Variants in VPS54 observed in about 807,000 individuals in gnomAD.
VPS54 encodes the protein vacuolar protein sorting-associated protein 54.
Under a neutral mutation model 121.5 loss-of-function variants are expected in VPS54, and 45 were observed. That is an observed-to-expected ratio of 0.37 (90% confidence interval 0.29 to 0.47). The LOEUF is 0.47. Ranked by LOEUF, VPS54 falls within the 20% of genes least tolerant of loss-of-function variation. VPS54 has a pLI of 0.99. For missense variants in VPS54, 1,090 were observed against 1,131.4 expected (o/e 0.96, Z 0.52); for synonymous variants, 371 against 385.8 (o/e 0.96, Z 0.45).
chr2:63,942,535 T>G lies in VPS54; in HGVS notation c.1328A>C (p.Asn443Thr), dbSNP rs757076529. Residue 443 changes from asparagine (N) to threonine (T), a missense_variant, in exon 11 of 23, where the codon AAT becomes ACT. Transcript: ENST00000272322. ...VKLADQMRMLNFPQWFDLLKD... is the reference protein window; with the variant it reads ...VKLADQMRMLTFPQWFDLLKD... Reference sequence around the variant, plus strand: ...GAGCAGATCAAACCACTGGGGAAAATTCAACATTCTCATCTGATCTGCAAG... The same window carrying G: ...GAGCAGATCAAACCACTGGGGAAAAGTCAACATTCTCATCTGATCTGCAAG... The G allele has an allele frequency of 3.1e-6, 5 of 1,594,910 alleles. No homozygotes were observed. The highest frequency in any genetic ancestry group is 1.7e-5 in the Admixed American group (1 of 58,078).
At chr2:63,915,826 A>C (rs774620794) in intron 16 of VPS54, among the ~76,000 whole-genome samples, 1 of 152,210 alleles carries the variant, frequency 6.6e-6, no homozygotes, top group Non-Finnish European at 1.5e-5. Flanking sequence ...TTAATTCTAT[A>C]CATACTTTTT....
chr2:63,985,689 ACACACACAC>A (rs1677019261), intron 1 of VPS54, among the ~76,000 whole-genome samples: 1 of 70,804 alleles, frequency 1.4e-5, no homozygotes, highest in African/African-American at 3.6e-5. Context: ...ATACACACAC[ACACACACAC>A]ACACACACAC....
At chr2:63,897,023 C>T (rs1672470308) in intron 22 of VPS54, among the ~76,000 whole-genome samples, 1 of 152,088 alleles carries the variant, frequency 6.6e-6, no homozygotes, top group South Asian at 2.1e-4. Context: ...ATGTACTATG[C>T]TATTTTACAG....
chr2:64,004,756 T>C (rs1394004377), intron 1 of VPS54, among the ~76,000 whole-genome samples: 1 of 152,206 alleles, frequency 6.6e-6, no homozygotes, highest in Non-Finnish European at 1.5e-5. Flanking sequence ...ACAGCTACAA[T>C]AATAACTGTT....
chr2:63,932,596 G>A lies in VPS54; in HGVS notation c.1739+1077C>T, dbSNP rs183413179. On this transcript the variant is annotated intron_variant, in intron 12 of 22. Transcript: ENST00000272322. ...GGTGCAGCAAACCACCATGGCACATGTATACCTATGTAACAAAACTGCACT... is the reference window on the plus strand; with the variant it reads ...GGTGCAGCAAACCACCATGGCACATATATACCTATGTAACAAAACTGCACT... 7.3e-4 allele frequency among the ~76,000 whole-genome samples: 110 copies of A among 151,300 alleles called. 4 individuals carry two copies. In the East Asian group the frequency reaches 0.016, roughly 22 times the overall value.
At chr2:63,926,821 A>G (rs994765516) in intron 12 of VPS54, among the ~76,000 whole-genome samples, 2 of 152,098 alleles carry the variant, frequency 1.3e-5, no homozygotes, top group East Asian at 1.9e-4. Flanking sequence ...CAACAGGCAG[A>G]CCAGGAGATC....
chr2:63,918,115 A>G (rs1673472924), intron 15 of VPS54, among the ~76,000 whole-genome samples: 1 of 152,000 alleles, frequency 6.6e-6, no homozygotes, highest in Non-Finnish European at 1.5e-5. Context: ...AAGAACTAGT[A>G]AAATGTTAAT....
chr2:63,999,646 G>T (rs1473722541), intron 1 of VPS54, among the ~76,000 whole-genome samples: 1 of 152,164 alleles, frequency 6.6e-6, no homozygotes, highest in African/African-American at 2.4e-5. Context: ...GGTTTGAGAA[G>T]TTCTCTGTTA....
At chr2:63,972,134 CTTTA>C in intron 4 of VPS54, 28 bp downstream of exon 4, 1 of 1,374,544 alleles carries the variant, frequency 7.3e-7, no homozygotes, top group Non-Finnish European at 9.9e-7. Context: ...TTATGCTATG[CTTTA>C]TTATCTATAA....
chr2:63,986,840 A>C (rs995572919), intron 1 of VPS54, among the ~76,000 whole-genome samples: 22 of 152,200 alleles, frequency 1.4e-4, no homozygotes, highest in African/African-American at 4.8e-4. Flanking sequence ...CTGATGATAA[A>C]TACACCCATG....
chr2:63,893,214 G>T lies in VPS54; in HGVS notation c.*216C>A. The T allele has an allele frequency of 1.6e-6, 1 of 608,666 alleles. No individual in the cohort carries two copies. Among genetic ancestry groups the T allele is most frequent in the Admixed American group, 2.6e-5 (1 of 38,022 alleles). The allele number at this position is 608,666 out of a possible 1,614,324, so 37.7% of individuals were successfully genotyped here. A position where few individuals can be genotyped will look rare whatever the true frequency, so the allele number is the denominator to read the frequency against. ...AGAATGAAAAATGTTATAGACACCT[G>T]ATCAGTTACTCCTCACTGTAGGATG... On this transcript the variant is annotated 3_prime_UTR_variant, in exon 23 of 23. Transcript: ENST00000272322.
At chr2:64,008,870 T>A (rs982758384) in intron 1 of VPS54, among the ~76,000 whole-genome samples, 1 of 152,266 alleles carries the variant, frequency 6.6e-6, no homozygotes, top group Non-Finnish European at 1.5e-5. Context: ...ATACAGTTCA[T>A]AATAGCTTAC....
At chr2:64,014,620 G>A (rs528987489) in intron 1 of VPS54, among the ~76,000 whole-genome samples, 23 of 106,098 alleles carry the variant, frequency 2.2e-4, no homozygotes, top group Non-Finnish European at 4.5e-4. Flanking sequence ...ACTATTCTCC[G>A]CCTTACTATC....
chr2:64,008,071 C>G (rs12988868), intron 1 of VPS54, among the ~76,000 whole-genome samples: 98,994 of 151,530 alleles, frequency 0.65, 33,098 homozygotes, highest in Non-Finnish European at 0.7. Flanking sequence ...GGAGACCTGA[C>G]CATATTTGTA....
intron 2 of VPS54, among the ~76,000 whole-genome samples, chr2:63,982,820 G>A (rs1418248174): frequency 6.6e-6 from 1 of 152,228 alleles, no homozygotes; most frequent in African/African-American, 2.4e-5. Context: ...TTAGTTTATA[G>A]TATGAGAGCT....
Position 63,916,954 on chromosome 2 carries a change from T to C in VPS54, c.2174A>G (p.Glu725Gly). 1.9e-6 allele frequency: 3 copies of C among 1,613,612 alleles called. No homozygotes were observed. Among genetic ancestry groups the C allele is most frequent in the Middle Eastern group, 3.3e-4 (2 of 6,060 alleles). Residue 725 changes from glutamate to glycine, a missense_variant, in exon 16 of 23, where the codon GAA (glutamate) becomes GGA (glycine). By Grantham distance (98) the Glu-to-Gly change is moderately conservative. Around this residue, in one of 2 missense-constraint regions of VPS54, gnomAD observed 289 missense variants for 374.4 expected, o/e 0.77. Transcript: ENST00000272322. ...AATAAGAACTTCAGCTGGTTTCCTTTCTTCTGTGGCTACAGAGTTAAGCAA... is the reference window on the plus strand; with the variant it reads ...AATAAGAACTTCAGCTGGTTTCCTTCCTTCTGTGGCTACAGAGTTAAGCAA... Reference protein sequence around the residue: ...LPEKKSGATEERKPAEVLIVE... With the variant: ...LPEKKSGATEGRKPAEVLIVE...
intron 3 of VPS54, among the ~76,000 whole-genome samples, chr2:63,976,764 T>C (rs1240675960): frequency 6.6e-6 from 1 of 152,046 alleles, no homozygotes; most frequent in Non-Finnish European, 1.5e-5. Context: ...CCTTTTAATG[T>C]CTGCAGGATC....
intron 4 of VPS54, among the ~76,000 whole-genome samples, chr2:63,970,804 C>T (rs1676249795): frequency 6.6e-6 from 1 of 152,176 alleles, no homozygotes; most frequent in South Asian, 2.1e-4. Flanking sequence ...TTAATTAGTG[C>T]TCCATCACCA....
At chr2:63,944,245 C>G (rs1674871271) in intron 10 of VPS54, among the ~76,000 whole-genome samples, 1 of 152,178 alleles carries the variant, frequency 6.6e-6, no homozygotes, top group African/African-American at 2.4e-5. Context: ...GCTCTCTGCT[C>G]TGGGAAGCTA....
Sources: allele counts gnomAD v4.1 joint callset (sites outside exome capture counted in the v4.1 genomes callset), GRCh38; gene constraint gnomAD v4.1.1; regional missense constraint gnomAD v4.1.1; transcripts MANE v1.5; gene names NCBI Gene and HGNC (gene_info 2026-07-23, HGNC 2026-07-21).